The following TENM1 variants were observed in gnomAD, a reference collection of about 807,000 sequenced individuals.
TENM1 encodes the protein teneurin-1.
A neutral mutation model predicts 174.8 loss-of-function variants in TENM1; 35 were observed. The ratio of observed to expected loss-of-function variants is 0.20; its 90% CI spans 0.15 to 0.27. The LOEUF (loss-of-function observed/expected upper bound fraction) is 0.27, where lower values mean the gene tolerates loss of function less well. TENM1 is among the 10% of genes least tolerant of loss of function. The probability of loss-of-function intolerance (pLI) is 1.00; values close to 1 mark genes in which losing one functional copy is unlikely to be tolerated. For synonymous variants in TENM1, 781 were observed against 798.7 expected (o/e 0.98, Z 0.37); for missense variants, 1,633 against 2,130.1 (o/e 0.77, Z 4.59).
rs190085280 is a variant in TENM1 at position 124,418,085 on chromosome X, A to T, written c.4982+2226T>A. Among the ~76,000 whole-genome samples, 24 of 112,544 alleles carry T rather than the reference A, an allele frequency of 2.1e-4. No homozygotes were observed. The East Asian group carries it at 5.6e-3, about 26-fold the overall frequency. On this transcript the variant is annotated intron_variant, in intron 25 of 31. Coordinates refer to ENST00000422452, the Ensembl canonical transcript of TENM1. ...CATTTGTAATACAGTGTGATTTTTTAAAAAATGAAAGTTGGCTTATATCAC... is the reference window on the plus strand; with the variant it reads ...CATTTGTAATACAGTGTGATTTTTTTAAAAATGAAAGTTGGCTTATATCAC...
chrX:125,113,601 G>A, the TENM1 span, among the ~76,000 whole-genome samples: 1 of 111,009 alleles, frequency 9.0e-6, no homozygotes, highest in East Asian at 2.8e-4. Flanking sequence ...AAAAAAAGCA[G>A]GGGTTGCAAT....
At chrX:124,754,383 T>C (rs1165203358) in intron 3 of TENM1, among the ~76,000 whole-genome samples, 2 of 111,843 alleles carry the variant, frequency 1.8e-5, no homozygotes, top group East Asian at 5.6e-4. Context: ...TCTCTTTTCT[T>C]CTTTATTAGT....
chrX:124,671,694 G>T lies in TENM1; in HGVS notation c.1157C>A (p.Ser386Ter), dbSNP rs1220654712. ...TTTGATCACTGTACCTTTTTTCTCTGATTTATCAGAAACTTTTCCTCCAAT... is the reference window on the plus strand; with the variant it reads ...TTTGATCACTGTACCTTTTTTCTCTTATTTATCAGAAACTTTTCCTCCAAT... The change falls in exon 6 of 32, where the codon TCA becomes TAA. Residue 386 changes from serine (S) to a stop codon, truncating the protein, a stop_gained. Coordinates refer to ENST00000422452, the Ensembl canonical transcript of TENM1. LOFTEE classifies it high-confidence loss of function. 2.5e-6 allele frequency: 3 copies of T among 1,201,960 alleles called. No individual in the cohort carries two copies. Among genetic ancestry groups the T allele is most frequent in the Admixed American group, 4.5e-5 (2 of 44,060 alleles).
At chrX:124,411,902 C>T (rs1186792646) in intron 25 of TENM1, 1 of 112,048 alleles carries the variant, frequency 8.9e-6, no homozygotes, top group African/African-American at 3.2e-5. Context: ...CCTTCGGTGC[C>T]TCCATCCTTT....
At chrX:124,596,728 G>C (rs1328390629) in intron 11 of TENM1, among the ~76,000 whole-genome samples, 2 of 111,636 alleles carry the variant, frequency 1.8e-5, no homozygotes, top group Non-Finnish European at 3.8e-5. Context: ...ACAAGCAGAG[G>C]TCAGAGAATT....
At chrX:124,929,672 C>T (rs1335517049) in intron 1 of TENM1, among the ~76,000 whole-genome samples, 1 of 111,726 alleles carries the variant, frequency 9.0e-6, no homozygotes, top group African/African-American at 3.3e-5. Context: ...TGATGTGAGT[C>T]TCTCCAATAA....
chrX:124,610,094 T>C (rs780706351), intron 11 of TENM1, among the ~76,000 whole-genome samples: 2 of 111,944 alleles, frequency 1.8e-5, no homozygotes, highest in Admixed American at 9.5e-5. Flanking sequence ...TAGGTTGACA[T>C]AGGCACAAAA....
intron 5 of TENM1, among the ~76,000 whole-genome samples, chrX:124,676,615 C>T (rs1409422113): frequency 9.3e-6 from 1 of 107,588 alleles, no homozygotes; most frequent in Non-Finnish European, 1.9e-5. Context: ...ATTGTCTTGG[C>T]TCTCCTCAAT....
intron 3 of TENM1, among the ~76,000 whole-genome samples, chrX:124,825,158 C>T (rs868057582): frequency 2.6e-4 from 16 of 60,989 alleles, no homozygotes; most frequent in Admixed American, 5.9e-4. Context: ...AGCTGACTTT[C>T]TTTTTTTTTT....
At chrX:125,165,949 C>CTAAA in the TENM1 span, among the ~76,000 whole-genome samples, 1 of 110,971 alleles carries the variant, frequency 9.0e-6, no homozygotes, top group African/African-American at 3.3e-5. Context: ...ATATATTGAG[C>CTAAA]TAAAGCATGT....
At chrX:124,837,909 G>A (rs771196136) in intron 3 of TENM1, among the ~76,000 whole-genome samples, 4,058 of 111,840 alleles carry the variant, frequency 0.036, 98 homozygotes, top group African/African-American at 0.08. Flanking sequence ...TTCATTTTAT[G>A]AACATGTATT....
chrX:124,955,303 G>A (rs112881420), intron 1 of TENM1, among the ~76,000 whole-genome samples: 441 of 111,310 alleles, frequency 4.0e-3, no homozygotes, highest in African/African-American at 0.013. Context: ...ATTGGTCTGG[G>A]GAACAGTCTT....
chrX:124,696,534 C>T (rs190064533), intron 5 of TENM1, among the ~76,000 whole-genome samples: 1 of 110,950 alleles, frequency 9.0e-6, no homozygotes, highest in Admixed American at 9.6e-5. Context: ...ATCTCTCTCT[C>T]TCTCTCCTCT....
chrX:125,016,225 A>G, the TENM1 span, among the ~76,000 whole-genome samples: 11 of 111,387 alleles, frequency 9.9e-5, no homozygotes, highest in Admixed American at 1.1e-3. Flanking sequence ...CAACCAGGCA[A>G]GAGAAAGAAA....
At chrX:124,381,351 T>C in intron 31 of TENM1, 57 bp from the exon 35 acceptor site, 1 of 1,077,158 alleles carries the variant, frequency 9.3e-7, no homozygotes. Context: ...TGTCAGATAC[T>C]TGGTGATTGT....
chrX:124,685,460 G>A (rs2052337874), intron 5 of TENM1, among the ~76,000 whole-genome samples: 1 of 111,060 alleles, frequency 9.0e-6, no homozygotes, highest in African/African-American at 3.3e-5. Context: ...AAGAATCAAC[G>A]AGCTCAAAGG....
chrX:124,511,790 G>T (rs2047590327), intron 18 of TENM1, among the ~76,000 whole-genome samples: 1 of 111,984 alleles, frequency 8.9e-6, no homozygotes, highest in South Asian at 3.7e-4. Flanking sequence ...GAACGCTAAA[G>T]CATCGTTCTC....
At chrX:125,051,129 A>G in the TENM1 span, among the ~76,000 whole-genome samples, 2 of 111,474 alleles carry the variant, frequency 1.8e-5, no homozygotes, top group Non-Finnish European at 3.8e-5. Context: ...TAGGAATCCA[A>G]CTTACAAAAG....
intron 15 of TENM1, among the ~76,000 whole-genome samples, chrX:124,542,574 G>A (rs901276746): frequency 4.5e-5 from 5 of 111,609 alleles, no homozygotes; most frequent in African/African-American, 1.6e-4. Context: ...ACTGTTGCAA[G>A]ATTTTAGATC....
Sources: allele counts gnomAD v4.1 joint callset (sites outside exome capture counted in the v4.1 genomes callset), GRCh38; gene constraint gnomAD v4.1.1; transcripts MANE v1.5; gene names NCBI Gene and HGNC (gene_info 2026-07-23, HGNC 2026-07-21).